The following EML6 variants were observed in gnomAD, a reference collection of about 807,000 sequenced individuals.
EML6 encodes the protein EMAP like 6, also known as echinoderm microtubule-associated protein-like 6.
Under a neutral mutation model 240.1 loss-of-function variants are expected in EML6, and 154 were observed. That is an observed-to-expected ratio of 0.64 (90% CI 0.56 to 0.73). EML6 has a LOEUF of 0.73. Ranked by LOEUF, EML6 falls within the 30% of genes least tolerant of loss-of-function variation. The pLI is 0.00. For missense variants in EML6, 2,964 were observed against 2,474.6 expected (o/e 1.20, Z -4.20); for synonymous variants, 1,148 against 899.0 (o/e 1.28, Z -4.95).
At chr2:54,777,263 G>T (rs1005023041) in intron 2 of EML6, among the ~76,000 whole-genome samples, 2 of 152,176 alleles carry the variant, frequency 1.3e-5, no homozygotes, top group Non-Finnish European at 2.9e-5. Flanking sequence ...AATTATTTAG[G>T]GTGGGGGTGG....
chr2:54,800,426 T>C (rs1327957572), intron 2 of EML6, among the ~76,000 whole-genome samples: 1 of 152,028 alleles, frequency 6.6e-6, no homozygotes, highest in Admixed American at 6.6e-5. Context: ...CATATAAATA[T>C]ATGTATATAT....
At chr2:54,839,977 T>G (rs1669355909) in intron 7 of EML6, among the ~76,000 whole-genome samples, 1 of 152,226 alleles carries the variant, frequency 6.6e-6, no homozygotes, top group Non-Finnish European at 1.5e-5. Flanking sequence ...CTTGCTGAAT[T>G]TATTCCCCCA....
At chr2:54,920,964 A>C (rs528764408) in intron 26 of EML6, among the ~76,000 whole-genome samples, 1 of 152,236 alleles carries the variant, frequency 6.6e-6, no homozygotes, top group African/African-American at 2.4e-5. Context: ...ACATCCTCTC[A>C]TGATTAAAAA....
intron 2 of EML6, among the ~76,000 whole-genome samples, chr2:54,802,267 A>G (rs1037332393): frequency 3.9e-5 from 6 of 152,006 alleles, no homozygotes; most frequent in African/African-American, 1.4e-4. Flanking sequence ...TATTTTCTGC[A>G]TCTAAAAATC....
Position 54,853,603 on chromosome 2 carries a change from CTT to C in EML6, c.1445-36_1445-35del, listed in dbSNP as rs1388068887. 4 of 1,228,876 alleles carry C rather than the reference CTT, an allele frequency of 3.3e-6. No homozygotes were observed. In the African/African-American group the frequency reaches 6.2e-5, roughly 19 times the overall value. The allele number at this position is 1,228,876 out of a possible 1,614,324, so 76.1% of individuals were successfully genotyped here. On this transcript the variant is annotated intron_variant, in intron 10 of 41. Coordinates refer to ENST00000356458, the MANE Select transcript of EML6 (RefSeq NM_001039753.4). ...TTTATAAAAAATAAATTAGAATAAA[CTT>C]TTTATTTAAATGTAATGTTAATATT... is the stretch of plus-strand genomic sequence containing the variant.
Position 54,863,855 on chromosome 2 carries a change from T to G in EML6, c.1898T>G (p.Ile633Ser). The change falls in exon 13 of 42, where the codon ATT becomes AGT. Residue 633 changes from isoleucine to serine, a missense_variant. Physicochemically the swap from Ile to Ser is moderately radical, Grantham distance 142 (BLOSUM62 -2). Coordinates refer to ENST00000356458, the MANE Select transcript of EML6 (RefSeq NM_001039753.4). ...GATGTGCCCGAACTGGACTCTGATA[T>G]TGAGCAAGAAGCTCAAATCAATTAT... ...LSDVPELDSDIEQEAQINYDR... is the reference protein window; with the variant it reads ...LSDVPELDSDSEQEAQINYDR... 1 of 1,547,888 alleles carries G rather than the reference T, an allele frequency of 6.5e-7. No individual in the cohort carries two copies. The highest frequency in any genetic ancestry group is 8.7e-7 in the Non-Finnish European group (1 of 1,145,212).
intron 2 of EML6, among the ~76,000 whole-genome samples, chr2:54,760,373 A>G (rs988780838): frequency 1.3e-5 from 2 of 152,108 alleles, no homozygotes; most frequent in African/African-American, 2.4e-5. Context: ...TGCTTTATGC[A>G]TGTGCTTGAT....
rs1309941479 is a variant in EML6, at chr2:54,805,434, C to G, written c.198-7798C>G. On this transcript the variant is annotated intron_variant, in intron 2 of 41. Transcript: ENST00000356458. Reference sequence around the variant, plus strand: ...TTCCTATTAGCAATATATATGCATTCCAGTTGCCCTGTGTCTTTAGCAACA... The same window carrying G: ...TTCCTATTAGCAATATATATGCATTGCAGTTGCCCTGTGTCTTTAGCAACA... Among the ~76,000 whole-genome samples, 2 of 152,284 alleles carry G rather than the reference C, an allele frequency of 1.3e-5. 1 individual carries two copies. Among genetic ancestry groups the G allele is most frequent in the South Asian group, 4.1e-4 (2 of 4,830 alleles).
intron 16 of EML6, among the ~76,000 whole-genome samples, chr2:54,878,367 G>A (rs2103968845): frequency 6.6e-6 from 1 of 152,248 alleles, no homozygotes; most frequent in East Asian, 1.9e-4. Flanking sequence ...CTGATATACT[G>A]ATGCAGGATG....
At chr2:54,832,544 A>G (rs1010527309) in intron 7 of EML6, among the ~76,000 whole-genome samples, 4 of 152,230 alleles carry the variant, frequency 2.6e-5, no homozygotes, top group Admixed American at 6.5e-5. Context: ...ATTAAAATAC[A>G]TAGGATTTGA....
intron 32 of EML6, among the ~76,000 whole-genome samples, chr2:54,954,703 TACATGCACACACACCTCACAC>T (rs1185145192): frequency 6.6e-6 from 1 of 152,122 alleles, no homozygotes. Context: ...CCTCCCCCAA[TACATGCACACACACCTCACAC>T]ACATGCACAC....
rs188915916 is a variant in EML6 at position 54,856,886 on chromosome 2, G to A, written c.1658-2648G>A. On this transcript the variant is annotated intron_variant, in intron 11 of 41. Coordinates refer to ENST00000356458, the MANE Select transcript of EML6 (RefSeq NM_001039753.4). The stretch of plus-strand genomic sequence containing the variant: ...GTTTCAAGTAGAGAAGTTATTGCAG[G>A]AGTCCAGGTAAGAGATGGTGTGGCT... Among the ~76,000 whole-genome samples, 5 of 152,300 alleles carry A rather than the reference G, an allele frequency of 3.3e-5. No individual in the cohort carries two copies. In the East Asian group the frequency reaches 9.7e-4, roughly 29 times the overall value.
At position 54,968,251 on chromosome 2, in the gene EML6, G is replaced by A; in HGVS notation, c.5721G>A (p.Lys1907=). Residue 1907 remains lysine, a synonymous_variant, in exon 40 of 42, where the codon AAG becomes AAA. Coordinates refer to ENST00000356458, the MANE Select transcript of EML6 (RefSeq NM_001039753.4). ...CAGGAGATGACTTTGGGCTGGTGAA[G>A]CTCTTTGATTTTCCATGCACAGAAA... The part of the protein sequence containing the change: ...IVTGDDFGLV[K]LFDFPCTEKF... 1.3e-6 allele frequency: 2 copies of A among 1,551,764 alleles called. No homozygotes were observed. Among genetic ancestry groups the A allele is most frequent in the Non-Finnish European group, 1.7e-6 (2 of 1,147,000 alleles).
intron 2 of EML6, among the ~76,000 whole-genome samples, chr2:54,786,612 C>G (rs532259433): frequency 1.3e-5 from 2 of 152,256 alleles, no homozygotes; most frequent in African/African-American, 4.8e-5. Context: ...AGGTAGAACC[C>G]ACAACACACA....
At chr2:54,845,350 C>T (rs1463459522) in intron 8 of EML6, among the ~76,000 whole-genome samples, 2 of 152,188 alleles carry the variant, frequency 1.3e-5, no homozygotes, top group Non-Finnish European at 2.9e-5. Context: ...TATTCAGACA[C>T]GTGTGAAACT....
At chr2:54,834,784 C>G (rs1047488531) in intron 7 of EML6, among the ~76,000 whole-genome samples, 2 of 152,312 alleles carry the variant, frequency 1.3e-5, no homozygotes, top group East Asian at 3.9e-4. Context: ...AGACTTGTCA[C>G]TATCTCCACT....
At chr2:54,964,208 T>G (rs895373247) in intron 37 of EML6, 50 bp downstream of exon 37, 2 of 1,518,264 alleles carry the variant, frequency 1.3e-6, no homozygotes, top group African/African-American at 2.8e-5. Context: ...AGCATTCTGC[T>G]TACCAGTGGT....
At chr2:54,797,101 C>T (rs961839761) in intron 2 of EML6, among the ~76,000 whole-genome samples, 2 of 134,784 alleles carry the variant, frequency 1.5e-5, no homozygotes, top group Non-Finnish European at 3.1e-5. Flanking sequence ...GGAGGCAGAG[C>T]TTGCAGTGAG....
intron 24 of EML6, among the ~76,000 whole-genome samples, chr2:54,907,950 T>TAGATA (rs1553412970): frequency 1.5e-4 from 4 of 26,680 alleles, no homozygotes; most frequent in African/African-American, 2.9e-4. Context: ...ATAGATAAGA[T>TAGATA]AGATAGATAG....
Sources: allele counts gnomAD v4.1 joint callset (sites outside exome capture counted in the v4.1 genomes callset), GRCh38; gene constraint gnomAD v4.1.1; transcripts MANE v1.5; gene names NCBI Gene and HGNC (gene_info 2026-07-23, HGNC 2026-07-21).